NKAIN3: variants seen among roughly 807,000 people sequenced by gnomAD.
NKAIN3 encodes the protein sodium/potassium transporting ATPase interacting 3.
A neutral mutation model predicts 30.2 loss-of-function variants in NKAIN3; 25 were observed. The observed-to-expected ratio is 0.83, with a 90% CI of 0.60 to 1.16. NKAIN3 has a LOEUF of 1.16. Among genes scored for constraint, NKAIN3 ranks in the 50% most tolerant of loss-of-function variants. NKAIN3 has a pLI of 0.00. For missense variants in NKAIN3, 225 were observed against 254.1 expected, an observed-to-expected ratio of 0.89 and a Z score of 0.78; for synonymous variants, 91 against 89.6, an observed-to-expected ratio of 1.02 and a Z score of -0.09.
intron 3 of NKAIN3, among the ~76,000 whole-genome samples, chr8:62,657,082 C>T (rs1464322221): frequency 6.6e-6 from 1 of 152,078 alleles, no homozygotes; most frequent in Non-Finnish European, 1.5e-5. Context: ...CTATTTTGTT[C>T]AGGCTAGAAA....
intron 4 of NKAIN3, among the ~76,000 whole-genome samples, chr8:62,750,547 C>G (rs916126645): frequency 6.6e-6 from 1 of 152,122 alleles, no homozygotes; most frequent in African/African-American, 2.4e-5. Context: ...CCTTGCTTGG[C>G]GCAGAGGCCC....
At chr8:62,838,080 G>A (rs1411157076) in intron 4 of NKAIN3, among the ~76,000 whole-genome samples, 1 of 151,534 alleles carries the variant, frequency 6.6e-6, no homozygotes, top group Non-Finnish European at 1.5e-5. Flanking sequence ...GGACGTAGAA[G>A]TGTGCAAAGG....
At chr8:62,260,253 T>A (rs1812395224) in intron 1 of NKAIN3, among the ~76,000 whole-genome samples, 2 of 152,122 alleles carry the variant, frequency 1.3e-5, no homozygotes, top group South Asian at 4.1e-4. Context: ...AGGCTACAGA[T>A]GTTGATTGGT....
chr8:62,278,728 G>T (rs779060277), intron 1 of NKAIN3, among the ~76,000 whole-genome samples: 1 of 151,988 alleles, frequency 6.6e-6, no homozygotes, highest in East Asian at 1.9e-4. Context: ...TTATGGGTGC[G>T]TAGTATTCCA....
intron 4 of NKAIN3, among the ~76,000 whole-genome samples, chr8:62,850,813 A>G (rs908025097): frequency 6.6e-5 from 10 of 152,066 alleles, no homozygotes; most frequent in African/African-American, 2.4e-4. Context: ...CCATTGGTCT[A>G]TATCTCTGTT....
intron 1 of NKAIN3, among the ~76,000 whole-genome samples, chr8:62,361,687 T>C (rs1291696982): frequency 1.3e-5 from 2 of 152,248 alleles, no homozygotes; most frequent in South Asian, 2.1e-4. Flanking sequence ...TATAAGTGTG[T>C]GGTTAATGAT....
intron 4 of NKAIN3, among the ~76,000 whole-genome samples, chr8:62,898,871 G>A (rs1244233294): frequency 6.6e-6 from 1 of 151,990 alleles, no homozygotes; most frequent in African/African-American, 2.4e-5. Context: ...AGGAGCTCAA[G>A]CAACTCTATA....
intron 4 of NKAIN3, among the ~76,000 whole-genome samples, chr8:62,804,108 G>T (rs757074264): frequency 3.9e-5 from 6 of 152,158 alleles, no homozygotes; most frequent in Non-Finnish European, 8.8e-5. Context: ...CTCTGAAATT[G>T]TGGCAATAAT....
chr8:62,794,311 T>C (rs1476969236), intron 4 of NKAIN3, among the ~76,000 whole-genome samples: 2 of 152,148 alleles, frequency 1.3e-5, no homozygotes, highest in Admixed American at 1.3e-4. Context: ...ATGAGACAAA[T>C]GTCATAGACA....
chr8:62,636,535 A>G (rs946834412), intron 3 of NKAIN3, among the ~76,000 whole-genome samples: 11 of 152,354 alleles, frequency 7.2e-5, no homozygotes, highest in African/African-American at 2.6e-4. Context: ...TAAAATACAA[A>G]TCTCTGAACA....
At chr8:62,888,984 T>G (rs1039237503) in intron 4 of NKAIN3, among the ~76,000 whole-genome samples, 3 of 152,186 alleles carry the variant, frequency 2.0e-5, no homozygotes, top group Non-Finnish European at 4.4e-5. Context: ...TAGCAAAAGT[T>G]TCTTAGACAA....
intron 1 of NKAIN3, among the ~76,000 whole-genome samples, chr8:62,502,915 T>G (rs1020844255): frequency 6.6e-5 from 10 of 152,128 alleles, no homozygotes; most frequent in Admixed American, 3.3e-4. Context: ...AAAACATGCT[T>G]GAACTTCTTG....
At chr8:62,374,483 A>G (rs1009692026) in intron 1 of NKAIN3, among the ~76,000 whole-genome samples, 6 of 152,200 alleles carry the variant, frequency 3.9e-5, no homozygotes, top group African/African-American at 1.4e-4. Flanking sequence ...GGCTAAGGAA[A>G]ATGGTTTGTT....
intron 1 of NKAIN3, among the ~76,000 whole-genome samples, chr8:62,385,769 T>C (rs986816860): frequency 6.6e-6 from 1 of 152,168 alleles, no homozygotes; most frequent in Non-Finnish European, 1.5e-5. Context: ...TCCAGAATGG[T>C]GTATAAATGG....
chr8:62,605,932 G>A (rs1811111015), intron 3 of NKAIN3, among the ~76,000 whole-genome samples: 1 of 151,942 alleles, frequency 6.6e-6, no homozygotes, highest in South Asian at 2.1e-4. Flanking sequence ...AACAAACTTT[G>A]GTATTTTAAA....
At chr8:62,336,093 G>A (rs1815542860) in intron 1 of NKAIN3, among the ~76,000 whole-genome samples, 1 of 152,032 alleles carries the variant, frequency 6.6e-6, no homozygotes. Context: ...TGTACAAGTA[G>A]CAGCAGCCTG....
intron 1 of NKAIN3, 121 bp from the exon 2 acceptor site, chr8:62,579,418 A>G: frequency 3.0e-6 from 2 of 663,876 alleles, no homozygotes; most frequent in Non-Finnish European, 4.9e-6. Flanking sequence ...TTCTAATAAT[A>G]ACGGTGACAA....
intron 3 of NKAIN3, among the ~76,000 whole-genome samples, chr8:62,672,660 A>C (rs1396896912): frequency 6.6e-6 from 1 of 152,156 alleles, no homozygotes; most frequent in Non-Finnish European, 1.5e-5. Context: ...ACAGGCACTG[A>C]CCATGTTTGC....
chr8:62,269,530 G>C (rs528499748), intron 1 of NKAIN3, among the ~76,000 whole-genome samples: 3 of 152,050 alleles, frequency 2.0e-5, no homozygotes, highest in African/African-American at 7.2e-5. Context: ...TCCTTTCTGT[G>C]GGTGCTAGTC....
Sources: gnomAD v4.1 joint callset for allele counts (sites outside exome capture counted in the v4.1 genomes callset) on GRCh38, gnomAD v4.1.1 for gene constraint, MANE v1.5 for transcripts, NCBI Gene and HGNC (gene_info 2026-07-23, HGNC 2026-07-21) for gene names.